SLC6A5: variants seen among roughly 807,000 people sequenced by gnomAD.
SLC6A5 encodes the protein solute carrier family 6 member 5.
In SLC6A5, 58 loss-of-function variants were observed where a neutral mutation model predicts 90.5. The observed-to-expected ratio is 0.64, with a 90% CI of 0.52 to 0.80. The LOEUF (loss-of-function observed/expected upper bound fraction) is 0.80, where lower values mean the gene tolerates loss of function less well. Ranked by LOEUF, SLC6A5 falls within the 30% of genes least tolerant of loss-of-function variation. SLC6A5 has a pLI of 0.00. For synonymous variants in SLC6A5, 427 were observed against 401.4 expected (o/e 1.06, Z -0.76); for missense variants, 1,015 against 1,017.6 (o/e 1.00, Z 0.03).
At position 20,607,026 on chromosome 11, in the gene SLC6A5, C is replaced by T. The variant is rs780032545; in HGVS notation, c.699C>T (p.Tyr233=). The change falls in exon 4 of 16, where the codon TAC becomes TAT. Residue 233 remains tyrosine (Y), a synonymous_variant. Coordinates refer to ENST00000525748, the MANE Select transcript of SLC6A5 (RefSeq NM_004211.5). The part of the protein sequence containing the change: ...QNGGGAFLIP[Y]LMMLALAGLP... ...TCCAAGGTGCTTTCCTCATCCCTTA[C>T]CTGATGATGCTGGCTCTGGCTGGAT... is the stretch of plus-strand genomic sequence containing the variant. 4 of 1,614,006 alleles carry T rather than the reference C, an allele frequency of 2.5e-6. No homozygotes were observed. Among genetic ancestry groups the T allele is most frequent in the East Asian group, 2.2e-5 (1 of 44,860 alleles).
chr11:20,601,257 C>G lies in SLC6A5; in HGVS notation c.132C>G (p.Ala44=). ...CGGAGCAGGAGCTTCCCGCGGCTGC[C>G]GCCCCGCCGCCGCCACGTGTGCCCA... is the stretch of plus-strand genomic sequence containing the variant. The part of the protein sequence containing the change: ...TSPEQELPAA[A]APPPPRVPRS... Residue 44 remains alanine (A), a synonymous_variant, in exon 2 of 16, where the codon GCC becomes GCG. Coordinates refer to ENST00000525748, the MANE Select transcript of SLC6A5 (RefSeq NM_004211.5). The G allele has an allele frequency of 6.3e-7, 1 of 1,582,716 alleles. No homozygotes were observed. Among genetic ancestry groups the G allele is most frequent in the Non-Finnish European group, 8.5e-7 (1 of 1,172,082 alleles).
intron 4 of SLC6A5, 102 bp from the exon 5 acceptor site, chr11:20,607,377 C>G (rs1565272804): frequency 7.4e-7 from 1 of 1,357,356 alleles, no homozygotes; most frequent in Non-Finnish European, 1.1e-6. Flanking sequence ...TGCATCCATT[C>G]TGTACAAGAG....
chr11:20,648,188 A>C (rs1853457961), intron 14 of SLC6A5, among the ~76,000 whole-genome samples: 2 of 152,144 alleles, frequency 1.3e-5, no homozygotes, highest in Admixed American at 1.3e-4. Context: ...TAGAAACCAG[A>C]TTAAGGCCTT....
intron 13 of SLC6A5, among the ~76,000 whole-genome samples, chr11:20,643,023 C>T (rs765889847): frequency 2.6e-5 from 4 of 152,204 alleles, no homozygotes; most frequent in Admixed American, 1.3e-4. Context: ...TATCCCCTCT[C>T]GGGGAGCTTG....
At chr11:20,644,461 A>C (rs1260746895) in intron 13 of SLC6A5, among the ~76,000 whole-genome samples, 1 of 152,236 alleles carries the variant, frequency 6.6e-6, no homozygotes, top group Non-Finnish European at 1.5e-5. Flanking sequence ...TGTACACCAC[A>C]CATTTATCCA....
chr11:20,645,524 C>T (rs1013663793), intron 13 of SLC6A5, among the ~76,000 whole-genome samples: 2 of 151,870 alleles, frequency 1.3e-5, no homozygotes, highest in African/African-American at 2.4e-5. Flanking sequence ...GAAAGAAGGC[C>T]TGAAAATGTA....
intron 3 of SLC6A5, among the ~76,000 whole-genome samples, chr11:20,605,679 C>T (rs1852565297): frequency 6.6e-6 from 1 of 152,226 alleles, no homozygotes; most frequent in Admixed American, 6.5e-5. Context: ...CAAGTGCCCG[C>T]GCTTTGCCCG....
chr11:20,624,161 A>G (rs1240107463), intron 7 of SLC6A5, among the ~76,000 whole-genome samples: 2 of 149,006 alleles, frequency 1.3e-5, no homozygotes, highest in Non-Finnish European at 3.0e-5. Flanking sequence ...TTATATATAT[A>G]TATTTTTTTT....
intron 2 of SLC6A5, among the ~76,000 whole-genome samples, chr11:20,602,614 G>A (rs1227591226): frequency 6.6e-6 from 1 of 152,048 alleles, no homozygotes; most frequent in Admixed American, 6.6e-5. Flanking sequence ...TCCAGCAGTG[G>A]GGCCTGGACC....
At chr11:20,648,834 T>A (rs942941175) in intron 14 of SLC6A5, among the ~76,000 whole-genome samples, 3 of 152,206 alleles carry the variant, frequency 2.0e-5, no homozygotes, top group African/African-American at 4.8e-5. Flanking sequence ...TTTGTTGTGG[T>A]CTATATGAGG....
intron 10 of SLC6A5, among the ~76,000 whole-genome samples, chr11:20,631,967 T>C (rs895472372): frequency 4.6e-5 from 7 of 152,174 alleles, no homozygotes; most frequent in African/African-American, 1.7e-4. Flanking sequence ...GCCAGCACTT[T>C]CCAGGGGTGC....
At chr11:20,622,884 A>G (rs1852918669) in intron 7 of SLC6A5, among the ~76,000 whole-genome samples, 1 of 152,220 alleles carries the variant, frequency 6.6e-6, no homozygotes, top group Non-Finnish European at 1.5e-5. Context: ...TTTTGGGGGC[A>G]GGAAAGTCAG....
chr11:20,636,451 T>C, intron 11 of SLC6A5, 32 bp downstream of exon 11: 1 of 1,383,454 alleles, frequency 7.2e-7, no homozygotes, highest in Non-Finnish European at 1.0e-6. Context: ...CTCTATCCCA[T>C]GCTCCTCTTG....
chr11:20,652,137 T>C, intron 14 of SLC6A5, 152 bp from the exon 15 acceptor site: 1 of 757,090 alleles, frequency 1.3e-6, no homozygotes, highest in Middle Eastern at 3.0e-4. Flanking sequence ...TTTAGTTTCT[T>C]CATTTGAAAA....
chr11:20,637,398 A>G (rs1853230725), intron 12 of SLC6A5, 95 bp downstream of exon 12: 15 of 1,109,558 alleles, frequency 1.4e-5, no homozygotes, highest in Non-Finnish European at 2.0e-5. Context: ...CAGACCTTAT[A>G]ATCAAAGGCA....
chr11:20,652,749 C>T (rs1853566582), intron 15 of SLC6A5, among the ~76,000 whole-genome samples: 1 of 152,164 alleles, frequency 6.6e-6, no homozygotes, highest in African/African-American at 2.4e-5. Flanking sequence ...TTTCCTCTTC[C>T]TCTCCCCTTA....
chr11:20,635,602 C>T (rs1853189965), intron 10 of SLC6A5, among the ~76,000 whole-genome samples: 1 of 152,144 alleles, frequency 6.6e-6, no homozygotes, highest in South Asian at 2.1e-4. Context: ...GTGCAGCAAA[C>T]CACAATGACA....
intron 13 of SLC6A5, among the ~76,000 whole-genome samples, chr11:20,642,272 C>A (rs956312373): frequency 6.7e-6 from 1 of 149,874 alleles, no homozygotes; most frequent in Admixed American, 6.6e-5. Flanking sequence ...GAACAATATC[C>A]AGACCAAGGG....
intron 13 of SLC6A5, among the ~76,000 whole-genome samples, chr11:20,639,281 C>G (rs1217104150): frequency 6.6e-6 from 1 of 152,012 alleles, no homozygotes; most frequent in African/African-American, 2.4e-5. Flanking sequence ...GATTCAAGGC[C>G]CTACTGACTT....
Sources: gnomAD v4.1 joint callset for allele counts (sites outside exome capture counted in the v4.1 genomes callset) on GRCh38, gnomAD v4.1.1 for gene constraint, MANE v1.5 for transcripts, NCBI Gene and HGNC (gene_info 2026-07-23, HGNC 2026-07-21) for gene names.